Variants in RFC3 observed in about 807,000 individuals in gnomAD.
RFC3 encodes A1 38 kDa subunit.
In RFC3, 41 loss-of-function variants were observed where a neutral mutation model predicts 45.1. The observed-to-expected ratio is 0.91, with a 90% CI of 0.71 to 1.18. The LOEUF is 1.18. Ranked by LOEUF, RFC3 falls within the 50% of genes most tolerant of loss-of-function variation. The pLI, the probability that RFC3 is intolerant of heterozygous loss-of-function variation, is 0.00. For missense variants in RFC3, 423 were observed against 428.1 expected, an observed-to-expected ratio of 0.99 and a Z score of 0.10; for synonymous variants, 149 against 144.0, an observed-to-expected ratio of 1.03 and a Z score of -0.25.
Position 33,866,768 on chromosome 13 carries a change from A to AT in RFC3, c.879+31555dup, listed in dbSNP as rs200101870. Among the ~76,000 whole-genome samples, 585 of 152,286 alleles carry AT rather than the reference A, an allele frequency of 3.8e-3. 6 individuals are homozygous for AT. Among genetic ancestry groups the AT allele is most frequent in the African/African-American group, 0.014 (570 of 41,554 alleles). On this transcript the variant is annotated intron_variant, in intron 8 of 8. Coordinates refer to the RFC3 transcript ENST00000434425. ...AAATACCTAAATATTCTAAGGGAAG[A>AT]TTTTCCAATGGCTCTAATCTAGACT... is the stretch of plus-strand genomic sequence containing the variant.
chr13:33,825,737 A>G (rs2082042813), intron 3 of RFC3, 52 bp from the exon 4 acceptor site: 1 of 988,622 alleles, frequency 1.0e-6, no homozygotes, highest in Non-Finnish European at 1.4e-6. Context: ...CATTTTTCTT[A>G]TAATAACAAT....
rs143190145 is a variant in RFC3, at chr13:33,940,518, A to C, written c.880-25569A>C. ...TGCATATTCTCCAGTTGATGTGCAT[A>C]GTAGTCTGTATATACCAAGTGTGTC... On this transcript the variant is annotated intron_variant, in intron 8 of 8. Coordinates refer to the RFC3 transcript ENST00000434425. Among the ~76,000 whole-genome samples the C allele has an allele frequency of 1.5e-3, 234 of 152,358 alleles. 2 individuals are homozygous for C. The highest frequency in any genetic ancestry group is 0.01 in the Middle Eastern group (3 of 294).
chr13:33,888,884 T>G (rs1465988712), intron 8 of RFC3, among the ~76,000 whole-genome samples: 1 of 152,010 alleles, frequency 6.6e-6, no homozygotes, highest in African/African-American at 2.4e-5. Context: ...TAGCTGGGAC[T>G]ACAGGCGCCC....
In RFC3 at chr13:33,823,565, A is replaced by G. The variant is rs577463778; in HGVS notation, c.226-352A>G. Among the ~76,000 whole-genome samples, 11 of 152,252 alleles carry G rather than the reference A, an allele frequency of 7.2e-5. 1 individual carries two copies. In the South Asian group the frequency reaches 1.9e-3, roughly 26 times the overall value. ...TTACAAGAAACATTGACACTCCATG[A>G]AAATACATTTGTGTATGTTTATTTT... On this transcript the variant is annotated intron_variant, in intron 2 of 8. Transcript: ENST00000380071.
chr13:33,945,113 A>G (rs2082947122), intron 8 of RFC3, among the ~76,000 whole-genome samples: 1 of 152,068 alleles, frequency 6.6e-6, no homozygotes, highest in Non-Finnish European at 1.5e-5. Flanking sequence ...TGCCTTGTTG[A>G]TTAACATCCT....
intron 1 of RFC3, among the ~76,000 whole-genome samples, chr13:33,819,791 G>C (rs1021012842): frequency 7.2e-5 from 11 of 152,086 alleles, no homozygotes; most frequent in Non-Finnish European, 1.5e-4. Context: ...TGTTAAATTT[G>C]CTTTTAAGAA....
chr13:33,958,678 G>A (rs1254609723), intron 8 of RFC3, among the ~76,000 whole-genome samples: 3 of 152,146 alleles, frequency 2.0e-5, no homozygotes, highest in Non-Finnish European at 2.9e-5. Flanking sequence ...GGCTTGATGT[G>A]GCTTCTGGGA....
At chr13:33,829,588 C>T (rs767474991) in intron 4 of RFC3, 2 of 453,820 alleles carry the variant, frequency 4.4e-6, no homozygotes, top group Non-Finnish European at 7.8e-6. Context: ...AGCTGTTCCT[C>T]TCTATAGAAG....
downstream of RFC3, among the ~76,000 whole-genome samples, chr13:33,842,303 A>G (rs530254343): frequency 2.8e-4 from 42 of 152,064 alleles, 1 homozygote; most frequent in Admixed American, 2.6e-3. Context: ...AAAAAAAAAA[A>G]GAAAAATCCA....
At chr13:33,842,172 C>T (rs2082203995), downstream of RFC3, among the ~76,000 whole-genome samples, 1 of 151,880 alleles carries the variant, frequency 6.6e-6, no homozygotes, top group Admixed American at 6.6e-5. Context: ...CTTGTGGGCC[C>T]AGCCGCTAGT....
At chr13:33,959,435 T>G (rs960827853) in intron 8 of RFC3, among the ~76,000 whole-genome samples, 1 of 152,142 alleles carries the variant, frequency 6.6e-6, no homozygotes, top group Non-Finnish European at 1.5e-5. Flanking sequence ...CAGCAAAGAC[T>G]TCATAGCTCC....
chr13:33,952,387 G>C (rs1404062567), intron 8 of RFC3, among the ~76,000 whole-genome samples: 1 of 152,144 alleles, frequency 6.6e-6, no homozygotes, highest in Non-Finnish European at 1.5e-5. Context: ...CATATAATGT[G>C]TAGAAGGAAC....
chr13:33,918,837 A>G (rs2082749623), intron 8 of RFC3, among the ~76,000 whole-genome samples: 1 of 152,160 alleles, frequency 6.6e-6, no homozygotes, highest in African/African-American at 2.4e-5. Flanking sequence ...ATATTTCCAC[A>G]TTCTCAAAAG....
intron 8 of RFC3, among the ~76,000 whole-genome samples, chr13:33,866,958 G>A (rs2082377578): frequency 6.6e-6 from 1 of 152,154 alleles, no homozygotes; most frequent in Non-Finnish European, 1.5e-5. Context: ...GTATACATAA[G>A]TGTGCATATT....
intron 8 of RFC3, among the ~76,000 whole-genome samples, chr13:33,896,100 G>A (rs1474769799): frequency 6.6e-6 from 1 of 151,520 alleles, no homozygotes. Flanking sequence ...CTCTAACTTC[G>A]CCACTGTACA....
intron 8 of RFC3, among the ~76,000 whole-genome samples, chr13:33,919,442 G>GC (rs2082753891): frequency 1.3e-5 from 2 of 151,816 alleles, no homozygotes; most frequent in South Asian, 2.1e-4. Flanking sequence ...TTATGCATAC[G>GC]CTCACAAGAC....
At chr13:33,976,460 CA>C in the RFC3 span, among the ~76,000 whole-genome samples, 3 of 151,796 alleles carry the variant, frequency 2.0e-5, no homozygotes, top group African/African-American at 4.8e-5. Context: ...TTAAGAGGTA[CA>C]AAAATACAGT....
downstream of RFC3, among the ~76,000 whole-genome samples, chr13:33,840,607 T>A (rs368889381): frequency 6.6e-6 from 1 of 151,654 alleles, no homozygotes; most frequent in Non-Finnish European, 1.5e-5. Flanking sequence ...TGTTTTTTTT[T>A]AACTGTTGGA....
intron 8 of RFC3, among the ~76,000 whole-genome samples, chr13:33,947,834 G>A (rs1566039015): frequency 6.6e-6 from 1 of 152,206 alleles, no homozygotes; most frequent in Admixed American, 6.5e-5. Context: ...CCCTGTCCTA[G>A]AGATCTGTGG....
Sources: allele counts gnomAD v4.1 joint callset (sites outside exome capture counted in the v4.1 genomes callset), GRCh38; gene constraint gnomAD v4.1.1; transcripts MANE v1.5; gene names NCBI Gene and HGNC (gene_info 2026-07-23, HGNC 2026-07-21).